CDH13: variants seen among roughly 807,000 people sequenced by gnomAD.
CDH13 encodes cadherin-13.
CDH13 carries 24 observed loss-of-function variants against 63.8 expected under a neutral mutation model. The observed-to-expected ratio is 0.38, with a 90% CI of 0.27 to 0.53. The LOEUF is 0.53. Among genes scored for constraint, CDH13 ranks in the 20% least tolerant of loss-of-function variants. The probability of loss-of-function intolerance (pLI) is 0.85; values close to 1 mark genes in which losing one functional copy is unlikely to be tolerated. For missense variants in CDH13, 1,049 were observed against 903.1 expected (o/e 1.16, Z -2.07); for synonymous variants, 503 against 355.3 (o/e 1.42, Z -4.67).
Position 83,617,667 on chromosome 16 carries a change from CATA to C in CDH13, c.1101+15077_1101+15079del, listed in dbSNP as rs1218769932. ...TAATATGCACATATCCTAATTTGCA[CATA>C]ATATCTATTGTAATATGCACAAATC... On this transcript the variant is annotated intron_variant, in intron 8 of 13. Transcript: ENST00000567109. Among the ~76,000 whole-genome samples, 11 of 151,272 alleles carry C rather than the reference CATA, an allele frequency of 7.3e-5. No individual in the cohort carries two copies. In the East Asian group the frequency reaches 1.4e-3, roughly 19 times the overall value.
At chr16:83,373,724 C>G (rs2091413434) in intron 6 of CDH13, among the ~76,000 whole-genome samples, 1 of 152,204 alleles carries the variant, frequency 6.6e-6, no homozygotes, top group Non-Finnish European at 1.5e-5. Context: ...ATTTGAATCT[C>G]CGCTTTACCT....
At chr16:82,857,563 C>G (rs531497958) in intron 1 of CDH13, among the ~76,000 whole-genome samples, 1 of 152,170 alleles carries the variant, frequency 6.6e-6, no homozygotes, top group Non-Finnish European at 1.5e-5. Context: ...ATCACGTAAC[C>G]TAAATTTTTG....
At chr16:83,320,047 CGTTT>C (rs1338259598) in intron 5 of CDH13, among the ~76,000 whole-genome samples, 3 of 152,100 alleles carry the variant, frequency 2.0e-5, no homozygotes, top group Non-Finnish European at 4.4e-5. Flanking sequence ...TTGGACTGCC[CGTTT>C]GTTTATGAGA....
At chr16:83,568,616 A>C (rs1419605517) in intron 7 of CDH13, among the ~76,000 whole-genome samples, 1 of 152,210 alleles carries the variant, frequency 6.6e-6, no homozygotes. Context: ...GTTGGGCTCA[A>C]CTAAGGGCAC....
chr16:83,589,075 G>A (rs1307801210), intron 7 of CDH13, among the ~76,000 whole-genome samples: 1 of 152,156 alleles, frequency 6.6e-6, no homozygotes, highest in African/African-American at 2.4e-5. Flanking sequence ...CAAAACCGAG[G>A]TGTCAGCAGG....
chr16:82,839,928 C>G (rs888747250), intron 1 of CDH13, among the ~76,000 whole-genome samples: 1 of 152,166 alleles, frequency 6.6e-6, no homozygotes, highest in African/African-American at 2.4e-5. Flanking sequence ...TGAAATATTA[C>G]ATTAATCCAG....
chr16:83,415,032 G>GA (rs1421140339), intron 6 of CDH13, among the ~76,000 whole-genome samples: 1 of 151,236 alleles, frequency 6.6e-6, no homozygotes, highest in East Asian at 1.9e-4. Context: ...AGACTAAGGG[G>GA]AAAAAAGAGA....
intron 2 of CDH13, among the ~76,000 whole-genome samples, chr16:82,983,489 A>G (rs1043454226): frequency 1.3e-5 from 2 of 152,170 alleles, no homozygotes; most frequent in Admixed American, 6.5e-5. Context: ...AGTTCCCTGG[A>G]TTCCAGGAAG....
chr16:83,425,914 C>A (rs2071880903), intron 6 of CDH13, among the ~76,000 whole-genome samples: 1 of 152,038 alleles, frequency 6.6e-6, no homozygotes, highest in Non-Finnish European at 1.5e-5. Context: ...AGCATTGAAC[C>A]ACCCCAATTA....
At chr16:83,732,689 G>T (rs1028952305) in intron 10 of CDH13, among the ~76,000 whole-genome samples, 2 of 152,128 alleles carry the variant, frequency 1.3e-5, no homozygotes, top group African/African-American at 4.8e-5. Context: ...ACAGAGGGAG[G>T]CTTGCAGGCC....
chr16:82,650,033 T>C (rs1219095280), intron 1 of CDH13, among the ~76,000 whole-genome samples: 1 of 152,172 alleles, frequency 6.6e-6, no homozygotes, highest in Non-Finnish European at 1.5e-5. Context: ...CCCAAAGCTA[T>C]AGATTAAGAA....
intron 1 of CDH13, among the ~76,000 whole-genome samples, chr16:82,858,130 T>C (rs1466340050): frequency 1.3e-5 from 2 of 152,190 alleles, no homozygotes; most frequent in African/African-American, 4.8e-5. Flanking sequence ...ACGAAGTTAT[T>C]TCTTTAACTG....
At chr16:82,956,865 T>A (rs1343358511) in intron 2 of CDH13, among the ~76,000 whole-genome samples, 4 of 152,348 alleles carry the variant, frequency 2.6e-5, no homozygotes, top group Non-Finnish European at 5.9e-5. Context: ...CAAATGTCAG[T>A]GGCTTCAATA....
intron 7 of CDH13, among the ~76,000 whole-genome samples, chr16:83,524,445 C>CTTTTTTTTTTTTTTTTT (rs150233410): frequency 3.4e-5 from 2 of 59,278 alleles, no homozygotes; most frequent in African/African-American, 7.1e-5. Context: ...TTTCTTTTTT[C>CTTTTTTTTTTTTTTTTT]TTTTTTTTTT....
intron 3 of CDH13, among the ~76,000 whole-genome samples, chr16:83,055,301 C>G (rs2030801902): frequency 6.6e-6 from 1 of 151,344 alleles, no homozygotes; most frequent in Non-Finnish European, 1.5e-5. Flanking sequence ...AGAAAGTAGA[C>G]ATGCAAGAGG....
intron 2 of CDH13, among the ~76,000 whole-genome samples, chr16:83,027,515 G>T (rs1915928700): frequency 6.6e-6 from 1 of 152,148 alleles, no homozygotes; most frequent in Non-Finnish European, 1.5e-5. Flanking sequence ...AGTGGGTGAG[G>T]TGTGAGCTAT....
chr16:83,632,424 T>C (rs946545330), intron 8 of CDH13, among the ~76,000 whole-genome samples: 3 of 152,096 alleles, frequency 2.0e-5, no homozygotes, highest in Admixed American at 1.3e-4. Flanking sequence ...AGCAGCTCCG[T>C]GCATGACAAG....
intron 5 of CDH13, among the ~76,000 whole-genome samples, chr16:83,315,358 A>G (rs2090083874): frequency 6.6e-6 from 1 of 152,228 alleles, no homozygotes; most frequent in Non-Finnish European, 1.5e-5. Context: ...TCTAGCTTGT[A>G]CAGGAGGCAA....
At chr16:83,756,861 A>AC (rs1913553118) in intron 11 of CDH13, among the ~76,000 whole-genome samples, 2 of 152,240 alleles carry the variant, frequency 1.3e-5, no homozygotes, top group Non-Finnish European at 2.9e-5. Flanking sequence ...AACATCTCTC[A>AC]TATCAGCTTC....
Sources: gnomAD v4.1 joint callset for allele counts (sites outside exome capture counted in the v4.1 genomes callset) on GRCh38, gnomAD v4.1.1 for gene constraint, MANE v1.5 for transcripts, NCBI Gene and HGNC (gene_info 2026-07-23, HGNC 2026-07-21) for gene names.